Variants in SLC7A14 observed in about 807,000 individuals in gnomAD.
SLC7A14 encodes the protein solute carrier family 7 member 14.
Under a neutral mutation model 60.2 loss-of-function variants are expected in SLC7A14, and 37 were observed. The ratio of observed to expected loss-of-function variants is 0.61; its 90% CI spans 0.47 to 0.81. The LOEUF (loss-of-function observed/expected upper bound fraction) is 0.81. Ranked by LOEUF, SLC7A14 falls within the 30% of genes least tolerant of loss-of-function variation. SLC7A14 has a pLI of 0.00. For synonymous variants in SLC7A14, 399 were observed against 395.8 expected (o/e 1.01, Z -0.10); for missense variants, 886 against 982.7 (o/e 0.90, Z 1.32).
chr3:170,490,715 T>G (rs1712188566), intron 4 of SLC7A14, among the ~76,000 whole-genome samples: 1 of 152,248 alleles, frequency 6.6e-6, no homozygotes, highest in Non-Finnish European at 1.5e-5. Flanking sequence ...CTTTGTAGAC[T>G]GTCAGGCCCA....
chr3:170,529,336 T>C (rs769019442), intron 1 of SLC7A14, among the ~76,000 whole-genome samples: 4 of 152,256 alleles, frequency 2.6e-5, no homozygotes, highest in Non-Finnish European at 5.9e-5. Flanking sequence ...TAACAATATG[T>C]TAGAATGTTT....
chr3:170,484,766 G>A lies in SLC7A14; in HGVS notation c.907-1244C>T, dbSNP rs183760914. On this transcript the variant is annotated intron_variant, in intron 5 of 7. Coordinates refer to ENST00000231706, the MANE Select transcript of SLC7A14 (RefSeq NM_020949.3). ...TACAAGACCAAACAGCTCCTAGGGC[G>A]TGTTTAAGGCCTGTGCAGTATGAAA... Among the ~76,000 whole-genome samples, 6 of 152,300 alleles carry A rather than the reference G, an allele frequency of 3.9e-5. No homozygotes were observed. In the East Asian group the frequency reaches 7.7e-4, roughly 20 times the overall value.
At chr3:170,493,110 A>G (rs968660210) in intron 4 of SLC7A14, among the ~76,000 whole-genome samples, 74 of 152,370 alleles carry the variant, frequency 4.9e-4, no homozygotes, top group Middle Eastern at 3.4e-3. Flanking sequence ...AAACTATAAG[A>G]TAGTATCAAG....
At chr3:170,563,409 G>GTTTTT (rs1244002284) in intron 1 of SLC7A14, among the ~76,000 whole-genome samples, 1 of 102,474 alleles carries the variant, frequency 9.8e-6, no homozygotes, top group Non-Finnish European at 1.9e-5. Flanking sequence ...AACACTGTTT[G>GTTTTT]TTTGTTTGTT....
chr3:170,518,903 T>G (rs1036533702), intron 2 of SLC7A14, among the ~76,000 whole-genome samples: 1 of 152,132 alleles, frequency 6.6e-6, no homozygotes. Context: ...GCAGAGAGAA[T>G]TGGAGTGTCC....
At chr3:170,566,480 T>C (rs1371265928) in intron 1 of SLC7A14, among the ~76,000 whole-genome samples, 1 of 152,168 alleles carries the variant, frequency 6.6e-6, no homozygotes, top group African/African-American at 2.4e-5. Context: ...AGCAATGAAA[T>C]GCTCTTTTTC....
At chr3:170,567,855 TG>T (rs1167751080) in intron 1 of SLC7A14, among the ~76,000 whole-genome samples, 2 of 151,814 alleles carry the variant, frequency 1.3e-5, no homozygotes, top group Non-Finnish European at 2.9e-5. Context: ...TTGATGGGGT[TG>T]TTTTTTTTTT....
chr3:170,581,317 A>G (rs1336715330), intron 1 of SLC7A14, among the ~76,000 whole-genome samples: 1 of 152,162 alleles, frequency 6.6e-6, no homozygotes, highest in Non-Finnish European at 1.5e-5. Flanking sequence ...AATATCCATA[A>G]TGCTTGTATT....
At chr3:170,515,713 C>T (rs1002671463) in intron 2 of SLC7A14, among the ~76,000 whole-genome samples, 1 of 152,024 alleles carries the variant, frequency 6.6e-6, no homozygotes, top group African/African-American at 2.4e-5. Flanking sequence ...ATGAGACAGG[C>T]AATCTAATTC....
chr3:170,530,248 G>A (rs550538894), intron 1 of SLC7A14, among the ~76,000 whole-genome samples: 1 of 152,326 alleles, frequency 6.6e-6, no homozygotes, highest in African/African-American at 2.4e-5. Context: ...AAAGAAGCCA[G>A]TTGTACCAGA....
chr3:170,503,979 A>T lies in SLC7A14; in HGVS notation c.305-2634T>A, dbSNP rs962152902. ...TCCTAATGACTGTAGTTTGGGGAGA[A>T]CACTGGGAAAATCAATCAGGCACTA... is the stretch of plus-strand genomic sequence containing the variant. On this transcript the variant is annotated intron_variant, in intron 2 of 7. Transcript: ENST00000231706. Among the ~76,000 whole-genome samples, 3 of 152,212 alleles carry T rather than the reference A, an allele frequency of 2.0e-5. No individual in the cohort carries two copies. The East Asian group carries it at 5.8e-4, about 29-fold the overall frequency.
intron 1 of SLC7A14, among the ~76,000 whole-genome samples, chr3:170,566,594 C>G (rs1021339988): frequency 6.6e-6 from 1 of 152,198 alleles, no homozygotes; most frequent in Non-Finnish European, 1.5e-5. Flanking sequence ...TCACTGTTGT[C>G]AGAACCTTCC....
chr3:170,553,140 G>A (rs905840724), intron 1 of SLC7A14, among the ~76,000 whole-genome samples: 2 of 152,136 alleles, frequency 1.3e-5, no homozygotes, highest in African/African-American at 4.8e-5. Flanking sequence ...ACAAGAGCTG[G>A]ATTCTCTTTC....
At position 170,495,907 on chromosome 3, in the gene SLC7A14, T is replaced by A. The variant is rs546872974; in HGVS notation, c.759+2760A>T. On this transcript the variant is annotated intron_variant, in intron 4 of 7. Coordinates refer to ENST00000231706, the MANE Select transcript of SLC7A14 (RefSeq NM_020949.3). The stretch of plus-strand genomic sequence containing the variant: ...CTGGAGGCTCTGGGCTAGGAGAAGC[T>A]GAAGCTGGAGGCGGAGCTTGGCAAT... The A allele has an allele frequency of 6.3e-6, 9 of 1,436,904 alleles. No homozygotes were observed. The East Asian group carries it at 2.1e-4, about 33-fold the overall frequency. The allele number at this position is 1,436,904 out of a possible 1,614,324, so 89.0% of individuals were successfully genotyped here.
At chr3:170,530,887 G>A (rs1713660499) in intron 1 of SLC7A14, among the ~76,000 whole-genome samples, 2 of 152,178 alleles carry the variant, frequency 1.3e-5, no homozygotes, top group African/African-American at 4.8e-5. Flanking sequence ...GAGGAGAGAG[G>A]CCCTGCGGCA....
intron 1 of SLC7A14, among the ~76,000 whole-genome samples, chr3:170,550,449 T>G (rs1381340561): frequency 6.6e-6 from 1 of 151,544 alleles, no homozygotes; most frequent in Non-Finnish European, 1.5e-5. Context: ...GTGAAGTGGT[T>G]TTTTGAAATG....
At chr3:170,505,203 A>T (rs571815080) in intron 2 of SLC7A14, among the ~76,000 whole-genome samples, 1 of 152,214 alleles carries the variant, frequency 6.6e-6, no homozygotes, top group East Asian at 1.9e-4. Context: ...GAATTTACCG[A>T]CTTGATCATC....
intron 1 of SLC7A14, among the ~76,000 whole-genome samples, chr3:170,547,093 G>T (rs1714202881): frequency 6.6e-6 from 1 of 152,154 alleles, no homozygotes; most frequent in South Asian, 2.1e-4. Context: ...GGATGGAGAT[G>T]TAAGATTGTC....
rs1577566694 is a variant in SLC7A14 at position 170,565,204 on chromosome 3, T to C, written c.-153+20707A>G. Among the ~76,000 whole-genome samples, 3 of 151,814 alleles carry C rather than the reference T, an allele frequency of 2.0e-5. No homozygotes were observed. The South Asian group carries it at 6.2e-4, about 32-fold the overall frequency. The stretch of plus-strand genomic sequence containing the variant: ...CTGGCAGGGGTGGGGTAGAGTAGGG[T>C]AGCATGGTAGAGGAGACCCTGCCTG... On this transcript the variant is annotated intron_variant, in intron 1 of 7. Coordinates refer to ENST00000231706, the MANE Select transcript of SLC7A14 (RefSeq NM_020949.3).
Sources: allele counts gnomAD v4.1 joint callset (sites outside exome capture counted in the v4.1 genomes callset), GRCh38; gene constraint gnomAD v4.1.1; transcripts MANE v1.5; gene names NCBI Gene and HGNC (gene_info 2026-07-23, HGNC 2026-07-21).